AOAH: variants seen among roughly 807,000 people sequenced by gnomAD.
AOAH encodes acyloxyacyl hydrolase (neutrophil).
In AOAH, 64 loss-of-function variants were observed where a neutral mutation model predicts 92.2. That is an observed-to-expected ratio of 0.69 (90% CI 0.57 to 0.86). The LOEUF is 0.86. Among genes scored for constraint, AOAH ranks in the 40% least tolerant of loss-of-function variants. The pLI, the probability that AOAH is intolerant of heterozygous loss-of-function variation, is 0.00. For synonymous variants in AOAH, 263 were observed against 254.5 expected, an observed-to-expected ratio of 1.03 and a Z score of -0.32; for missense variants, 656 against 694.6, an observed-to-expected ratio of 0.94 and a Z score of 0.62.
At chr7:36,522,335 C>T (rs887718057) in intron 19 of AOAH, among the ~76,000 whole-genome samples, 1 of 152,210 alleles carries the variant, frequency 6.6e-6, no homozygotes, top group African/African-American at 2.4e-5. Context: ...TACGTGAGAG[C>T]ATTGGATGAA....
intron 1 of AOAH, among the ~76,000 whole-genome samples, chr7:36,689,926 G>A (rs936207660): frequency 4.6e-5 from 7 of 152,174 alleles, no homozygotes; most frequent in South Asian, 2.1e-4. Flanking sequence ...CTTGGAATTC[G>A]TCCTTGAGGA....
chr7:36,632,881 A>G (rs943311631), intron 5 of AOAH, among the ~76,000 whole-genome samples: 7 of 152,230 alleles, frequency 4.6e-5, no homozygotes, highest in African/African-American at 1.4e-4. Flanking sequence ...CAGAATATAA[A>G]TGAGGTACTT....
At chr7:36,641,322 GC>G (rs970715357) in intron 4 of AOAH, among the ~76,000 whole-genome samples, 3 of 152,116 alleles carry the variant, frequency 2.0e-5, no homozygotes, top group Non-Finnish European at 4.4e-5. Context: ...CATTCTAGAA[GC>G]CCCCCCTCCT....
chr7:36,656,987 A>G (rs773158930), intron 4 of AOAH, among the ~76,000 whole-genome samples: 1 of 152,052 alleles, frequency 6.6e-6, no homozygotes, highest in Non-Finnish European at 1.5e-5. Flanking sequence ...GATTTGCAGA[A>G]TGATAAAAAG....
At chr7:36,595,396 G>A (rs1790029452) in intron 11 of AOAH, among the ~76,000 whole-genome samples, 1 of 152,110 alleles carries the variant, frequency 6.6e-6, no homozygotes, top group African/African-American at 2.4e-5. Flanking sequence ...TGCTAGGTAT[G>A]ATGGCATGTG....
intron 13 of AOAH, among the ~76,000 whole-genome samples, chr7:36,562,051 A>G (rs967338691): frequency 6.6e-6 from 1 of 152,206 alleles, no homozygotes; most frequent in African/African-American, 2.4e-5. Context: ...ATGAGCCTAG[A>G]ATTCTCTTTG....
rs139113520 is a variant in AOAH at position 36,550,826 on chromosome 7, G to A, written c.1022-1351C>T. 1.7e-3 allele frequency among the ~76,000 whole-genome samples: 261 copies of A among 152,176 alleles called. 1 individual carries two copies. The highest frequency in any genetic ancestry group is 5.7e-3 in the African/African-American group (235 of 41,516). ...AGCTTGGGGATAAGTGCATTTTACC[G>A]GAGACCCAGGTATGTTCTTCCAGTT... On this transcript the variant is annotated intron_variant, in intron 13 of 20. Coordinates refer to ENST00000617537, the MANE Select transcript of AOAH (RefSeq NM_001637.4).
At chr7:36,703,001 T>C (rs1303353063) in intron 1 of AOAH, among the ~76,000 whole-genome samples, 2 of 152,192 alleles carry the variant, frequency 1.3e-5, no homozygotes, top group East Asian at 1.9e-4. Context: ...ATTTCAGCAA[T>C]GTTCACAGCT....
chr7:36,640,373 T>C (rs900644481), intron 4 of AOAH, among the ~76,000 whole-genome samples: 1 of 152,098 alleles, frequency 6.6e-6, no homozygotes, highest in Non-Finnish European at 1.5e-5. Flanking sequence ...GCAGTTTGGG[T>C]AACATCAAAT....
intron 6 of AOAH, among the ~76,000 whole-genome samples, chr7:36,624,868 C>G (rs1463199840): frequency 6.6e-6 from 1 of 152,192 alleles, no homozygotes; most frequent in African/African-American, 2.4e-5. Context: ...TTCTTCTGTC[C>G]CCCTAGGGAT....
intron 6 of AOAH, among the ~76,000 whole-genome samples, chr7:36,631,511 T>C (rs1793099027): frequency 6.6e-6 from 1 of 152,188 alleles, no homozygotes; most frequent in Non-Finnish European, 1.5e-5. Flanking sequence ...AGCTGGAATA[T>C]GGACAGGAGG....
chr7:36,513,101 C>G lies in AOAH; in HGVS notation c.*151G>C. On this transcript the variant is annotated 3_prime_UTR_variant, in exon 21 of 21. Transcript: ENST00000617537. ...AGCATTGCACAGTCGTCCAGATATG[C>G]TCTTCATTGAGAGAAAGACATTTTG... is the stretch of plus-strand genomic sequence containing the variant. 2 of 1,594,090 alleles carry G rather than the reference C, an allele frequency of 1.3e-6. No homozygotes were observed. Among genetic ancestry groups the G allele is most frequent in the Middle Eastern group, 1.7e-4 (1 of 6,050 alleles).
chr7:36,702,991 A>G (rs1798122931), intron 1 of AOAH, among the ~76,000 whole-genome samples: 1 of 152,130 alleles, frequency 6.6e-6, no homozygotes, highest in African/African-American at 2.4e-5. Context: ...CTTTGTCATC[A>G]TTTCAGCAAT....
intron 4 of AOAH, among the ~76,000 whole-genome samples, chr7:36,656,749 T>C (rs930212545): frequency 7.3e-5 from 11 of 151,000 alleles, no homozygotes; most frequent in Non-Finnish European, 4.4e-5. Flanking sequence ...GGATGGTTTG[T>C]AATTGGGGTT....
At chr7:36,656,949 T>C (rs1794930295) in intron 4 of AOAH, among the ~76,000 whole-genome samples, 1 of 151,724 alleles carries the variant, frequency 6.6e-6, no homozygotes, top group African/African-American at 2.4e-5. Flanking sequence ...TAATTCCACC[T>C]GAGCATTCAT....
chr7:36,624,105 A>G (rs1278024961), intron 6 of AOAH, among the ~76,000 whole-genome samples: 1 of 152,216 alleles, frequency 6.6e-6, no homozygotes, highest in East Asian at 1.9e-4. Flanking sequence ...AAACTCTGTA[A>G]TAGGGCCTTT....
At chr7:36,580,407 G>T (rs1018475458) in intron 12 of AOAH, among the ~76,000 whole-genome samples, 3 of 152,016 alleles carry the variant, frequency 2.0e-5, no homozygotes, top group African/African-American at 7.2e-5. Flanking sequence ...TAATTTTAAT[G>T]TTCTTGTTTT....
chr7:36,694,271 C>T (rs185432239), intron 1 of AOAH, among the ~76,000 whole-genome samples: 18 of 151,920 alleles, frequency 1.2e-4, no homozygotes, highest in South Asian at 2.1e-4. Context: ...CTGAGGCGGG[C>T]GGATCACCTG....
At chr7:36,651,529 T>C (rs191832556) in intron 4 of AOAH, among the ~76,000 whole-genome samples, 16 of 152,356 alleles carry the variant, frequency 1.1e-4, no homozygotes, top group African/African-American at 3.4e-4. Context: ...AGTGGTTTCA[T>C]TGTTACTGAG....
Sources: gnomAD v4.1 joint callset for allele counts (sites outside exome capture counted in the v4.1 genomes callset) on GRCh38, gnomAD v4.1.1 for gene constraint, MANE v1.5 for transcripts, NCBI Gene and HGNC (gene_info 2026-07-23, HGNC 2026-07-21) for gene names.